Variants in SMIM13 observed in about 807,000 individuals in gnomAD.
The protein encoded by SMIM13 is UPF0766 protein C6orf228.
In SMIM13, 3 loss-of-function variants were observed where a neutral mutation model predicts 5.9. That is an observed-to-expected ratio of 0.51 (90% CI 0.23 to 1.31). The LOEUF is 1.31. SMIM13 is among the 40% of genes most tolerant of loss of function. The pLI is 0.18. For synonymous variants in SMIM13, 55 were observed against 46.0 expected (o/e 1.19, Z -0.79); for missense variants, 85 against 109.9 (o/e 0.77, Z 1.01).
At chr6:11,122,408 T>C (rs1486955926) in intron 1 of SMIM13, among the ~76,000 whole-genome samples, 1 of 152,254 alleles carries the variant, frequency 6.6e-6, no homozygotes, top group Non-Finnish European at 1.5e-5. Flanking sequence ...CCTATCCTCT[T>C]GTGACCCTAC....
At chr6:11,103,889 T>C in intron 1 of SMIM13, 1 of 1,551,696 alleles carries the variant, frequency 6.4e-7, no homozygotes, top group Non-Finnish European at 8.7e-7. Flanking sequence ...TCCAAGTTCC[T>C]TCCCAATTTA....
intron 1 of SMIM13, chr6:11,104,326 C>G (rs372835920): frequency 5.8e-6 from 9 of 1,551,572 alleles, no homozygotes; most frequent in Non-Finnish European, 7.0e-6. Flanking sequence ...TTGCCAGGGG[C>G]TATGAAGATG....
At chr6:11,118,777 A>G (rs988751328) in intron 1 of SMIM13, among the ~76,000 whole-genome samples, 1 of 152,194 alleles carries the variant, frequency 6.6e-6, no homozygotes, top group Non-Finnish European at 1.5e-5. Context: ...TAACAGAGCT[A>G]ATATTTGATG....
chr6:11,103,691 T>G, intron 1 of SMIM13: 1 of 1,548,074 alleles, frequency 6.5e-7, no homozygotes, highest in Non-Finnish European at 8.7e-7. Flanking sequence ...CTAGGGGTCC[T>G]CCTTAGAAGG....
intron 1 of SMIM13, among the ~76,000 whole-genome samples, chr6:11,109,152 T>C (rs1405328641): frequency 6.6e-6 from 1 of 152,150 alleles, no homozygotes; most frequent in African/African-American, 2.4e-5. Context: ...CATAATGGAG[T>C]CACATTCTCC....
chr6:11,097,163 C>G (rs1757936548), intron 1 of SMIM13, among the ~76,000 whole-genome samples: 2 of 152,074 alleles, frequency 1.3e-5, no homozygotes, highest in African/African-American at 4.8e-5. Context: ...TTTTACAGCT[C>G]TGGAAGCTAA....
intron 1 of SMIM13, chr6:11,104,946 A>T (rs1486912552): frequency 1.2e-6 from 2 of 1,614,226 alleles, no homozygotes; most frequent in Admixed American, 3.3e-5. Context: ...AATAGGGGCT[A>T]TTCCCATTAG....
intron 1 of SMIM13, among the ~76,000 whole-genome samples, chr6:11,122,524 A>C (rs1758324815): frequency 1.3e-5 from 2 of 151,532 alleles, no homozygotes; most frequent in African/African-American, 4.9e-5. Flanking sequence ...ACCAAAGGTC[A>C]GGCCTGTGAC....
At position 11,132,332 on chromosome 6, in the gene SMIM13, G is replaced by A. The variant is rs139487688; in HGVS notation, c.77-2071G>A. Among the ~76,000 whole-genome samples, 32 of 152,264 alleles carry A rather than the reference G, an allele frequency of 2.1e-4. No homozygotes were observed. The East Asian group carries it at 3.9e-3, about 18-fold the overall frequency. On this transcript the variant is annotated intron_variant, in intron 1 of 1. Transcript: ENST00000416247. ...TACATTGCAGGTGGGAATGTAAAGT[G>A]TTGAAGCTGCTTTGCAGTTTCACAA...
At chr6:11,125,155 G>C (rs144880610) in intron 1 of SMIM13, among the ~76,000 whole-genome samples, 1 of 151,660 alleles carries the variant, frequency 6.6e-6, no homozygotes, top group African/African-American at 2.4e-5. Flanking sequence ...GTGTGCGCCC[G>C]TAAGGCCAGC....
chr6:11,096,119 T>C (rs1757919021), intron 1 of SMIM13, among the ~76,000 whole-genome samples: 1 of 152,238 alleles, frequency 6.6e-6, no homozygotes. Flanking sequence ...AGAGATGAGG[T>C]GTGCTAGGAC....
At chr6:11,133,038 C>T (rs1467752977) in intron 1 of SMIM13, among the ~76,000 whole-genome samples, 1 of 152,156 alleles carries the variant, frequency 6.6e-6, no homozygotes, top group African/African-American at 2.4e-5. Flanking sequence ...ATGCCAGGCA[C>T]CTAAGCCCTT....
At chr6:11,107,375 G>A (rs758760150) in intron 1 of SMIM13, among the ~76,000 whole-genome samples, 3 of 152,208 alleles carry the variant, frequency 2.0e-5, no homozygotes, top group Non-Finnish European at 4.4e-5. Flanking sequence ...TGGACTAGAT[G>A]TTGGATTCCC....
intron 1 of SMIM13, chr6:11,105,321 G>C (rs375155006): frequency 6.3e-7 from 1 of 1,596,320 alleles, no homozygotes; most frequent in African/African-American, 1.3e-5. Context: ...GGTGACCTAA[G>C]AGAAACTGGT....
At position 11,107,747 on chromosome 6, in the gene SMIM13, A is replaced by G. The variant is rs547024837; in HGVS notation, c.76+13358A>G. Among the ~76,000 whole-genome samples the G allele has an allele frequency of 1.6e-4, 24 of 152,318 alleles. No homozygotes were observed. In the East Asian group the frequency reaches 4.1e-3, roughly 26 times the overall value. ...CTCATTTATGATTCTCAGGTCCTGGACTAGCCTGTATTTTTCATTGCTCTT... is the reference window on the plus strand; with the variant it reads ...CTCATTTATGATTCTCAGGTCCTGGGCTAGCCTGTATTTTTCATTGCTCTT... On this transcript the variant is annotated intron_variant, in intron 1 of 1. Coordinates refer to ENST00000416247, the MANE Select transcript of SMIM13 (RefSeq NM_001135575.2).
At position 11,136,665 on chromosome 6, in the gene SMIM13, G is replaced by A. The variant is rs572457599; in HGVS notation, c.*2063G>A. 58 of 152,102 alleles carry A rather than the reference G, an allele frequency of 3.8e-4. No homozygotes were observed. The highest frequency in any genetic ancestry group is 1.3e-3 in the African/African-American group (55 of 41,512). 9.4% of individuals were successfully genotyped at this position (152,102 alleles called of 1,614,324 possible). On this transcript the variant is annotated 3_prime_UTR_variant, in exon 2 of 2. Transcript: ENST00000416247. The stretch of plus-strand genomic sequence containing the variant: ...GTGTTTGCTAGGGGAAGATTTCCTA[G>A]CAGCTGAGAGCAAGGCACAGTCTCT...
In SMIM13 at chr6:11,099,360, C is replaced by T. The variant is rs1047546470; in HGVS notation, c.76+4971C>T. Among the ~76,000 whole-genome samples, 5 of 151,924 alleles carry T rather than the reference C, an allele frequency of 3.3e-5. No homozygotes were observed. The East Asian group carries it at 5.8e-4, about 18-fold the overall frequency. ...CGGCTGGTTTTTGTATTTTTAGTAG[C>T]GATGGGGTTTCACCATGTTGGCCAG... On this transcript the variant is annotated intron_variant, in intron 1 of 1. Transcript: ENST00000416247.
At chr6:11,104,600 A>G in intron 1 of SMIM13, 1 of 1,614,104 alleles carries the variant, frequency 6.2e-7, no homozygotes, top group South Asian at 1.1e-5. Context: ...TTTCCCAAAA[A>G]AGAGAATTTC....
At chr6:11,103,614 A>G (rs1758031692) in intron 1 of SMIM13, 26 of 1,462,644 alleles carry the variant, frequency 1.8e-5, no homozygotes, top group Non-Finnish European at 2.1e-5. Flanking sequence ...GGCAAAAACC[A>G]TATCCAGCCA....
Sources: gnomAD v4.1 joint callset for allele counts (sites outside exome capture counted in the v4.1 genomes callset) on GRCh38, gnomAD v4.1.1 for gene constraint, MANE v1.5 for transcripts, NCBI Gene and HGNC (gene_info 2026-07-23, HGNC 2026-07-21) for gene names.